The following EXOC6 variants were observed in gnomAD, a reference collection of about 807,000 sequenced individuals.
The protein encoded by EXOC6 is exocyst complex component 6, also known as SEC15-like 1.
A neutral mutation model predicts 112.5 loss-of-function variants in EXOC6; 60 were observed. The observed-to-expected ratio is 0.53, with a 90% CI of 0.43 to 0.66. EXOC6 has a LOEUF of 0.66. EXOC6 is among the 30% of genes least tolerant of loss of function. The pLI, the probability that EXOC6 is intolerant of heterozygous loss-of-function variation, is 0.00. For synonymous variants in EXOC6, 295 were observed against 308.0 expected, an observed-to-expected ratio of 0.96 and a Z score of 0.44; for missense variants, 855 against 957.1, an observed-to-expected ratio of 0.89 and a Z score of 1.41.
At chr10:92,963,414 C>T (rs1470913578) in intron 17 of EXOC6, among the ~76,000 whole-genome samples, 1 of 152,132 alleles carries the variant, frequency 6.6e-6, no homozygotes, top group Non-Finnish European at 1.5e-5. Context: ...CTTACAGTAA[C>T]CTACCTTTGT....
intron 6 of EXOC6, among the ~76,000 whole-genome samples, chr10:92,915,183 C>A (rs1019305485): frequency 1.3e-5 from 2 of 152,022 alleles, no homozygotes; most frequent in Non-Finnish European, 2.9e-5. Context: ...GGCCAGTCCC[C>A]CTTGCCAACA....
chr10:92,910,641 T>G (rs1850694312), intron 6 of EXOC6, among the ~76,000 whole-genome samples: 1 of 151,760 alleles, frequency 6.6e-6, no homozygotes, highest in Non-Finnish European at 1.5e-5. Context: ...CTGTACAAAA[T>G]AATTTGGGGC....
At position 92,934,509 on chromosome 10, in the gene EXOC6, A is replaced by G. The variant is rs1852240154; in HGVS notation, c.1140+79A>G. The G allele has an allele frequency of 5.0e-6, 6 of 1,207,654 alleles. No individual in the cohort carries two copies. The South Asian group carries it at 1.3e-4, about 26-fold the overall frequency. 74.8% of individuals were successfully genotyped at this position (1,207,654 alleles called of 1,614,324 possible). A position where few individuals can be genotyped will look rare whatever the true frequency, so the allele number is the denominator to read the frequency against. Reference sequence around the variant, plus strand: ...TCTGAGCTGCATAATGTCAGAGGAAAACTGTACCTCCATCATTCTGCATTT... The same window carrying G: ...TCTGAGCTGCATAATGTCAGAGGAAGACTGTACCTCCATCATTCTGCATTT... On this transcript the variant is annotated intron_variant, in intron 11 of 21. Transcript: ENST00000260762.
chr10:92,963,943 A>G (rs1320563616), intron 17 of EXOC6, among the ~76,000 whole-genome samples: 1 of 152,086 alleles, frequency 6.6e-6, no homozygotes, highest in Non-Finnish European at 1.5e-5. Context: ...ATCAAATGGT[A>G]ATCTGTGATT....
At chr10:92,935,190 C>T (rs1404706562) in intron 11 of EXOC6, among the ~76,000 whole-genome samples, 2 of 151,856 alleles carry the variant, frequency 1.3e-5, no homozygotes, top group African/African-American at 4.8e-5. Flanking sequence ...GATACACTAT[C>T]CAATGAACTA....
upstream of EXOC6, among the ~76,000 whole-genome samples, chr10:92,844,954 C>T (rs112187943): frequency 8.8e-3 from 1,345 of 152,274 alleles, 10 homozygotes; most frequent in Non-Finnish European, 0.012. Context: ...CTGAGGGAGG[C>T]GCTTTCCCAA....
chr10:92,954,593 A>G, intron 15 of EXOC6, 37 bp from the exon 16 acceptor site: 4 of 1,018,484 alleles, frequency 3.9e-6, no homozygotes, highest in Non-Finnish European at 6.0e-6. Context: ...CACATTCATT[A>G]TTTATTAAGT....
At chr10:92,996,528 A>C (rs916649150) in intron 18 of EXOC6, among the ~76,000 whole-genome samples, 8 of 151,856 alleles carry the variant, frequency 5.3e-5, no homozygotes, top group African/African-American at 1.9e-4. Flanking sequence ...GAGGCAGGAG[A>C]ATGGTGTGAA....
intron 20 of EXOC6, among the ~76,000 whole-genome samples, chr10:93,032,333 A>G (rs1001602138): frequency 1.3e-5 from 2 of 152,196 alleles, no homozygotes; most frequent in Non-Finnish European, 2.9e-5. Context: ...GAGGGTCACA[A>G]AAACAACAGC....
At chr10:92,833,016 C>T (rs763315962), upstream of EXOC6, among the ~76,000 whole-genome samples, 4 of 152,152 alleles carry the variant, frequency 2.6e-5, no homozygotes, top group Non-Finnish European at 5.9e-5. Context: ...AGGACTTACT[C>T]ATCTTATTGG....
At chr10:92,943,648 A>G (rs1313817971) in intron 13 of EXOC6, among the ~76,000 whole-genome samples, 1 of 151,542 alleles carries the variant, frequency 6.6e-6, no homozygotes, top group African/African-American at 2.4e-5. Flanking sequence ...GTTTTGGTAT[A>G]TTGTATACAT....
chr10:92,851,046 G>A (rs1039391421), intron 1 of EXOC6, among the ~76,000 whole-genome samples: 1 of 152,150 alleles, frequency 6.6e-6, no homozygotes, highest in African/African-American at 2.4e-5. Flanking sequence ...AGAGAAATTA[G>A]AAAGTATTTT....
chr10:92,832,796 G>A (rs1298402477), upstream of EXOC6, among the ~76,000 whole-genome samples: 2 of 151,002 alleles, frequency 1.3e-5, no homozygotes, highest in African/African-American at 2.4e-5. Flanking sequence ...CCAAGTAGCT[G>A]GGACTACAGG....
intron 1 of EXOC6, among the ~76,000 whole-genome samples, chr10:92,890,701 A>G (rs1034202933): frequency 1.3e-5 from 2 of 152,070 alleles, no homozygotes; most frequent in Admixed American, 1.3e-4. Flanking sequence ...TGTCTGGTCT[A>G]TCTAGATAGC....
chr10:92,847,794 GA>G (rs1478916113), upstream of EXOC6, among the ~76,000 whole-genome samples: 1 of 146,572 alleles, frequency 6.8e-6, no homozygotes, highest in Non-Finnish European at 1.5e-5. Context: ...GGGGGCACCT[GA>G]GTTCACGGAC....
At chr10:93,042,659 T>A (rs999863925) in intron 20 of EXOC6, among the ~76,000 whole-genome samples, 9 of 152,208 alleles carry the variant, frequency 5.9e-5, no homozygotes, top group Admixed American at 3.3e-4. Flanking sequence ...TATAGTATGC[T>A]ACCAGAACTG....
intron 15 of EXOC6, among the ~76,000 whole-genome samples, chr10:92,954,120 A>T (rs1035145046): frequency 9.9e-5 from 15 of 151,952 alleles, no homozygotes; most frequent in Non-Finnish European, 1.3e-4. Flanking sequence ...GTTTCTATAA[A>T]ATATTTGAAA....
intron 15 of EXOC6, 48 bp from the exon 16 acceptor site, chr10:92,954,582 C>G: frequency 1.1e-6 from 1 of 900,890 alleles, no homozygotes. Flanking sequence ...TGTTAACTAA[C>G]CACATTCATT....
rs542014453 is a variant in EXOC6, at chr10:92,935,763, C to T, written c.1141-51C>T. ...TTTCTTAGTTTTTAATCATATGACT[C>T]TGGTTTGTTGTTGTCGGTGTTTTGT... is the stretch of plus-strand genomic sequence containing the variant. On this transcript the variant is annotated intron_variant, in intron 11 of 21. Coordinates refer to ENST00000260762, the MANE Select transcript of EXOC6 (RefSeq NM_019053.6). The T allele has an allele frequency of 2.4e-5, 28 of 1,174,212 alleles. No homozygotes were observed. The African/African-American group carries it at 4.1e-4, about 17-fold the overall frequency. The allele number at this position is 1,174,212 out of a possible 1,614,324, so 72.7% of individuals were successfully genotyped here. A position where few individuals can be genotyped will look rare whatever the true frequency, so the allele number is the denominator to read the frequency against.
Sources: allele counts gnomAD v4.1 joint callset (sites outside exome capture counted in the v4.1 genomes callset), GRCh38; gene constraint gnomAD v4.1.1; transcripts MANE v1.5; gene names NCBI Gene and HGNC (gene_info 2026-07-23, HGNC 2026-07-21).